Variants in PER3 observed in about 807,000 individuals in gnomAD.
The protein encoded by PER3 is period circadian regulator 3.
A neutral mutation model predicts 127.2 loss-of-function variants in PER3; 107 were observed. That is an observed-to-expected ratio of 0.84 (90% CI 0.72 to 0.99). PER3 has a LOEUF of 0.99. Ranked by LOEUF, PER3 falls within the 50% of genes least tolerant of loss-of-function variation. PER3 has a pLI of 0.00. For synonymous variants in PER3, 618 were observed against 585.8 expected (o/e 1.05, Z -0.79); for missense variants, 1,560 against 1,525.8 (o/e 1.02, Z -0.37).
intron 21 of PER3, among the ~76,000 whole-genome samples, chr1:7,840,106 A>C (rs1251060658): frequency 6.6e-6 from 1 of 151,870 alleles, no homozygotes. Context: ...GACAGTTTCA[A>C]TTGTCCGGTC....
At chr1:7,832,777 T>A (rs371574270) in intron 19 of PER3, among the ~76,000 whole-genome samples, 5 of 152,078 alleles carry the variant, frequency 3.3e-5, no homozygotes, top group African/African-American at 1.2e-4. Context: ...GAATTGAGAT[T>A]TTTCCCCCCC....
At chr1:7,827,902 A>G in intron 18 of PER3, 87 bp downstream of exon 18, 1 of 1,003,788 alleles carries the variant, frequency 1.0e-6, no homozygotes, top group Non-Finnish European at 1.5e-6. Flanking sequence ...CAGTGCTGAC[A>G]TTCTCAGTAG....
At chr1:7,824,805 G>C (rs571212985) in intron 16 of PER3, among the ~76,000 whole-genome samples, 7 of 152,162 alleles carry the variant, frequency 4.6e-5, no homozygotes, top group Admixed American at 6.5e-5. Flanking sequence ...TCAGGAGTTA[G>C]GAGAGTCTCT....
At chr1:7,833,499 A>T (rs889867900) in intron 19 of PER3, among the ~76,000 whole-genome samples, 2 of 152,200 alleles carry the variant, frequency 1.3e-5, no homozygotes, top group African/African-American at 4.8e-5. Context: ...TGCTCTCTTT[A>T]TCCTGAAATA....
At chr1:7,785,395 C>G (rs757016220) in intron 2 of PER3, 46 bp from the exon 3 acceptor site, 2 of 1,504,606 alleles carry the variant, frequency 1.3e-6, no homozygotes, top group South Asian at 2.3e-5. Context: ...CCGCAAGATG[C>G]TGTTGTCTTC....
intron 6 of PER3, among the ~76,000 whole-genome samples, chr1:7,797,727 A>G (rs2097152345): frequency 6.6e-6 from 1 of 152,066 alleles, no homozygotes; most frequent in East Asian, 1.9e-4. Flanking sequence ...CAGGATTGGT[A>G]GTCACACCTT....
chr1:7,794,143 G>A (rs1398421818), intron 6 of PER3, 135 bp downstream of exon 6: 3 of 749,980 alleles, frequency 4.0e-6, no homozygotes, highest in Non-Finnish European at 7.2e-6. Context: ...ATTGCCACAA[G>A]GAGTTCGTAT....
chr1:7,787,814 T>G, intron 4 of PER3: 3 of 555,004 alleles, frequency 5.4e-6, no homozygotes, highest in Non-Finnish European at 9.7e-6. Context: ...AATAAGCTAG[T>G]ATATTTTTTG....
At chr1:7,797,036 A>G (rs938847261) in intron 6 of PER3, among the ~76,000 whole-genome samples, 1 of 152,178 alleles carries the variant, frequency 6.6e-6, no homozygotes, top group Non-Finnish European at 1.5e-5. Flanking sequence ...CCTGTTGAAT[A>G]TCCAAGTTGA....
chr1:7,800,866 C>T (rs2097167757), intron 7 of PER3, among the ~76,000 whole-genome samples: 1 of 151,106 alleles, frequency 6.6e-6, no homozygotes, highest in Non-Finnish European at 1.5e-5. Flanking sequence ...TTAATGTGCA[C>T]ATTCTTTCTC....
At chr1:7,834,166 C>T (rs556157762) in intron 19 of PER3, among the ~76,000 whole-genome samples, 7 of 152,304 alleles carry the variant, frequency 4.6e-5, no homozygotes, top group South Asian at 2.1e-4. Flanking sequence ...GCGATCCGCC[C>T]GCCTTGGCCT....
chr1:7,793,210 C>T (rs905658086), intron 5 of PER3, among the ~76,000 whole-genome samples: 51 of 152,284 alleles, frequency 3.3e-4, no homozygotes, highest in Admixed American at 7.8e-4. Context: ...AAAAGATATT[C>T]AGGAAGCTCT....
In PER3 at chr1:7,786,817, A is replaced by G. The variant is rs1481504748; in HGVS notation, c.371A>G (p.Glu124Gly). Residue 124 changes from glutamate to glycine, a missense_variant, in exon 4 of 22, where the codon GAA becomes GGA. By Grantham distance (98) the Glu-to-Gly change is moderately conservative. Transcript: ENST00000377532. The stretch of plus-strand genomic sequence containing the variant: ...GAGGAGCTGGCCACTATCGCTTCAG[A>G]ACACACTTCCAAAAACACAGTAAGA... ...SLEELATIAS[E>G]HTSKNTDTFV... 9.4e-6 allele frequency: 15 copies of G among 1,599,720 alleles called. No individual in the cohort carries two copies. The highest frequency in any genetic ancestry group is 1.3e-5 in the Non-Finnish European group (15 of 1,166,976).
chr1:7,827,842 A>G, intron 18 of PER3, 27 bp downstream of exon 18: 1 of 1,519,470 alleles, frequency 6.6e-7, no homozygotes. Flanking sequence ...TTCAACACTC[A>G]AGTGAGAAAG....
intron 19 of PER3, among the ~76,000 whole-genome samples, chr1:7,832,770 T>A (rs901249301): frequency 1.3e-5 from 2 of 152,112 alleles, no homozygotes; most frequent in Admixed American, 1.3e-4. Flanking sequence ...GATCTTTGAA[T>A]TGAGATTTTT....
chr1:7,808,054 G>A (rs551247921), intron 10 of PER3, among the ~76,000 whole-genome samples: 36 of 152,082 alleles, frequency 2.4e-4, no homozygotes, highest in Non-Finnish European at 4.3e-4. Context: ...CCAACATGGC[G>A]AAACCCCGTC....
intron 13 of PER3, among the ~76,000 whole-genome samples, chr1:7,812,628 A>AAAAAC: frequency 9.7e-6 from 1 of 103,306 alleles, no homozygotes; most frequent in Non-Finnish European, 2.4e-5. Flanking sequence ...CCGTCTCAAA[A>AAAAAC]AAAAAAAAAA....
intron 21 of PER3, among the ~76,000 whole-genome samples, chr1:7,840,134 T>C (rs752421991): frequency 3.4e-4 from 52 of 152,176 alleles, no homozygotes; most frequent in Non-Finnish European, 4.1e-4. Context: ...GTGTATTCTT[T>C]CTTCTGCCTG....
intron 11 of PER3, 30 bp from the exon 12 acceptor site, chr1:7,809,863 T>C: frequency 1.2e-6 from 2 of 1,609,710 alleles, no homozygotes; most frequent in African/African-American, 2.7e-5. Flanking sequence ...CAGCCAGCAA[T>C]TCTGGACTTG....
Sources: allele counts gnomAD v4.1 joint callset (sites outside exome capture counted in the v4.1 genomes callset), GRCh38; gene constraint gnomAD v4.1.1; transcripts MANE v1.5; gene names NCBI Gene and HGNC (gene_info 2026-07-23, HGNC 2026-07-21).